The following VWC2 variants were observed in gnomAD, a reference collection of about 807,000 sequenced individuals.
The protein encoded by VWC2 is brorin.
VWC2 carries 14 observed loss-of-function variants against 29.8 expected under a neutral mutation model. The observed-to-expected ratio is 0.47, with a 90% CI of 0.31 to 0.74. The LOEUF (loss-of-function observed/expected upper bound fraction) is 0.74. Ranked by LOEUF, VWC2 falls within the 30% of genes least tolerant of loss-of-function variation. VWC2 has a pLI of 0.05. For missense variants in VWC2, 457 were observed against 459.8 expected (o/e 0.99, Z 0.05); for synonymous variants, 213 against 199.0 (o/e 1.07, Z -0.59).
intron 3 of VWC2, among the ~76,000 whole-genome samples, chr7:49,803,968 G>A (rs1189871666): frequency 6.6e-6 from 1 of 152,168 alleles, no homozygotes; most frequent in Admixed American, 6.5e-5. Context: ...CAAGATGACT[G>A]TGTTAGGAAT....
At chr7:49,803,181 C>T (rs113084872) in intron 3 of VWC2, among the ~76,000 whole-genome samples, 3,775 of 152,270 alleles carry the variant, frequency 0.025, 176 homozygotes, top group African/African-American at 0.086. Flanking sequence ...ACTGGTTGGG[C>T]TCATTTACTT....
intron 3 of VWC2, among the ~76,000 whole-genome samples, chr7:49,881,090 C>T (rs1406284481): frequency 1.3e-5 from 2 of 152,090 alleles, no homozygotes; most frequent in African/African-American, 2.4e-5. Context: ...GTCCTCCATT[C>T]CTGGCCTCAG....
At chr7:49,839,778 G>A (rs1283282534) in intron 3 of VWC2, among the ~76,000 whole-genome samples, 2 of 152,164 alleles carry the variant, frequency 1.3e-5, no homozygotes, top group African/African-American at 2.4e-5. Context: ...CTTCACAAAC[G>A]GGGCCTTTGA....
At chr7:49,828,228 G>A (rs549253170) in intron 3 of VWC2, among the ~76,000 whole-genome samples, 20 of 152,196 alleles carry the variant, frequency 1.3e-4, no homozygotes, top group Middle Eastern at 3.4e-3. Flanking sequence ...GTAGTATTCC[G>A]TTGTACAAAT....
intron 3 of VWC2, among the ~76,000 whole-genome samples, chr7:49,830,345 G>T (rs1331809906): frequency 3.3e-5 from 5 of 152,118 alleles, no homozygotes; most frequent in Admixed American, 3.3e-4. Flanking sequence ...AGGGCTCTCT[G>T]TTGTCAGAAG....
intron 3 of VWC2, among the ~76,000 whole-genome samples, chr7:49,839,820 G>T (rs566363723): frequency 1.3e-5 from 2 of 152,204 alleles, no homozygotes; most frequent in Non-Finnish European, 2.9e-5. Context: ...AGAACCACAT[G>T]TTTCAAATCG....
intron 3 of VWC2, among the ~76,000 whole-genome samples, chr7:49,877,679 G>C (rs1170295520): frequency 6.7e-6 from 1 of 149,342 alleles, no homozygotes; most frequent in Non-Finnish European, 1.5e-5. Flanking sequence ...CGAGAGTCAT[G>C]AACTGGGTGT....
chr7:49,898,718 G>A (rs1184094004), intron 3 of VWC2, among the ~76,000 whole-genome samples: 3 of 151,908 alleles, frequency 2.0e-5, no homozygotes, highest in Non-Finnish European at 4.4e-5. Context: ...AGAAGAATTA[G>A]GTTTATTTTG....
chr7:49,899,311 A>G (rs547307003), intron 3 of VWC2, among the ~76,000 whole-genome samples: 16 of 152,172 alleles, frequency 1.1e-4, no homozygotes, highest in Middle Eastern at 3.4e-3. Context: ...AATGTTCATC[A>G]TGCTATTTAG....
chr7:49,812,486 T>C (rs1181277130), intron 3 of VWC2, among the ~76,000 whole-genome samples: 1 of 152,220 alleles, frequency 6.6e-6, no homozygotes, highest in Non-Finnish European at 1.5e-5. Flanking sequence ...TTATGAAATC[T>C]TCCTTCTTAA....
At chr7:49,797,465 G>A (rs1788619275) in intron 2 of VWC2, among the ~76,000 whole-genome samples, 1 of 152,172 alleles carries the variant, frequency 6.6e-6, no homozygotes, top group African/African-American at 2.4e-5. Flanking sequence ...GTTTGAGGGT[G>A]TATCTCTCAG....
At chr7:49,774,753 G>T (rs994060251) in intron 1 of VWC2, among the ~76,000 whole-genome samples, 3 of 152,348 alleles carry the variant, frequency 2.0e-5, no homozygotes, top group Admixed American at 2.0e-4. Flanking sequence ...AGCGGGGAGG[G>T]GGCGTCTGCT....
chr7:49,805,338 A>G (rs1417598541), intron 3 of VWC2, among the ~76,000 whole-genome samples: 1 of 152,176 alleles, frequency 6.6e-6, no homozygotes, highest in South Asian at 2.1e-4. Context: ...ATGTTTTTTA[A>G]AGCTAGATTT....
chr7:49,804,507 T>A (rs1788827562), intron 3 of VWC2, among the ~76,000 whole-genome samples: 1 of 152,206 alleles, frequency 6.6e-6, no homozygotes, highest in African/African-American at 2.4e-5. Context: ...CTTAAATATT[T>A]GGCGTCTTAA....
At chr7:49,829,814 A>G (rs1789484640) in intron 3 of VWC2, among the ~76,000 whole-genome samples, 1 of 152,202 alleles carries the variant, frequency 6.6e-6, no homozygotes, top group African/African-American at 2.4e-5. Context: ...AACAATTACA[A>G]CAAGAGTCTG....
intron 3 of VWC2, among the ~76,000 whole-genome samples, chr7:49,838,158 T>A (rs1030257988): frequency 6.6e-6 from 1 of 152,200 alleles, no homozygotes; most frequent in Admixed American, 6.5e-5. Context: ...TCCCCCCATC[T>A]AATGCCAGCC....
intron 3 of VWC2, among the ~76,000 whole-genome samples, chr7:49,909,944 G>T (rs140451924): frequency 6.6e-6 from 1 of 151,864 alleles, no homozygotes; most frequent in East Asian, 1.9e-4. Context: ...TATCTCCAAA[G>T]ATTTTTTTTT....
At chr7:49,790,168 G>A (rs1254644925) in intron 2 of VWC2, among the ~76,000 whole-genome samples, 2 of 152,222 alleles carry the variant, frequency 1.3e-5, no homozygotes, top group African/African-American at 4.8e-5. Context: ...GCAAGTTCCT[G>A]TTGATCTGTA....
At chr7:49,785,942 T>G (rs1049518481) in intron 2 of VWC2, among the ~76,000 whole-genome samples, 4 of 152,312 alleles carry the variant, frequency 2.6e-5, no homozygotes, top group African/African-American at 9.6e-5. Flanking sequence ...TGGATAAAAC[T>G]TAACTGTTTA....
Sources: gnomAD v4.1 joint callset for allele counts (sites outside exome capture counted in the v4.1 genomes callset) on GRCh38, gnomAD v4.1.1 for gene constraint, MANE v1.5 for transcripts, NCBI Gene and HGNC (gene_info 2026-07-23, HGNC 2026-07-21) for gene names.